LMO3: variants seen among roughly 807,000 people sequenced by gnomAD.
LMO3 encodes LIM domain only 3.
LMO3 carries 2 observed loss-of-function variants against 15.8 expected under a neutral mutation model. That is an observed-to-expected ratio of 0.13 (90% CI 0.05 to 0.40). LMO3 has a LOEUF of 0.40. Ranked by LOEUF, LMO3 falls within the 10% of genes least tolerant of loss-of-function variation. The pLI is 0.99. For synonymous variants in LMO3, 62 were observed against 63.8 expected (o/e 0.97, Z 0.13); for missense variants, 86 against 182.2 (o/e 0.47, Z 3.04).
chr12:16,592,098 T>C (rs1220839749), intron 2 of LMO3, among the ~76,000 whole-genome samples: 1 of 152,100 alleles, frequency 6.6e-6, no homozygotes, highest in Non-Finnish European at 1.5e-5. Flanking sequence ...AAAGTATGTA[T>C]AACTTTGTAC....
At chr12:16,578,402 G>A (rs1823548831) in intron 2 of LMO3, among the ~76,000 whole-genome samples, 2 of 152,180 alleles carry the variant, frequency 1.3e-5, no homozygotes, top group African/African-American at 2.4e-5. Context: ...GAGGGGTCAG[G>A]TAGAAGGGAT....
intron 3 of LMO3, among the ~76,000 whole-genome samples, chr12:16,558,489 T>C (rs1171104498): frequency 6.6e-6 from 1 of 152,106 alleles, no homozygotes; most frequent in Non-Finnish European, 1.5e-5. Context: ...AAAATACATA[T>C]ATACATGCAC....
chr12:16,584,793 C>T lies in LMO3; in HGVS notation c.206+15862G>A, dbSNP rs1324879212. The stretch of plus-strand genomic sequence containing the variant: ...CCAAGACTCCTTGTTAGGCTGAAAG[C>T]TCCCAGGAGATTTCTGAAGCAGGAG... On this transcript the variant is annotated intron_variant, in intron 2 of 3. Coordinates refer to ENST00000537304, the MANE Select transcript of LMO3 (RefSeq NM_018640.5). This position sits in a 1 kb window ranked among gnomAD's most constrained non-coding sequence, Gnocchi z 5.2. Among the ~76,000 whole-genome samples the T allele has an allele frequency of 1.3e-5, 2 of 152,304 alleles. No individual in the cohort carries two copies. The highest frequency in any genetic ancestry group is 6.5e-5 in the Admixed American group (1 of 15,294).
chr12:16,593,937 A>G lies in LMO3; in HGVS notation c.206+6718T>C, dbSNP rs1234714915. Among the ~76,000 whole-genome samples the G allele has an allele frequency of 6.6e-6, 1 of 151,786 alleles. No homozygotes were observed. The highest frequency in any genetic ancestry group is 1.5e-5 in the Non-Finnish European group (1 of 67,746). Reference sequence around the variant, plus strand: ...AACAGAACTAGAACAGGCAGTATCAAACTCCCTCGGAGCTAAGAAAAACAG... The same window carrying G: ...AACAGAACTAGAACAGGCAGTATCAGACTCCCTCGGAGCTAAGAAAAACAG... On this transcript the variant is annotated intron_variant, in intron 2 of 3. Coordinates refer to ENST00000537304, the MANE Select transcript of LMO3 (RefSeq NM_018640.5). The surrounding 1 kb of genome is among the most constrained non-coding windows in gnomAD (Gnocchi z 4.2).
At chr12:16,594,910 G>A (rs922915254) in intron 2 of LMO3, among the ~76,000 whole-genome samples, 8 of 151,548 alleles carry the variant, frequency 5.3e-5, no homozygotes, top group Admixed American at 1.3e-4. Flanking sequence ...GTTTATAAAT[G>A]AAGTGCTGGC....
Position 16,586,436 on chromosome 12 carries a change from C to G in LMO3, c.206+14219G>C, listed in dbSNP as rs1299925185. On this transcript the variant is annotated intron_variant, in intron 2 of 3. Coordinates refer to ENST00000537304, the MANE Select transcript of LMO3 (RefSeq NM_018640.5). The surrounding 1 kb of genome is among the most constrained non-coding windows in gnomAD (Gnocchi z 4.3). ...AAGGCTTTCTGGTTCTCCTCCAACA[C>G]ACAGCTGAGTCACAGAGGCCCTGGA... is the stretch of plus-strand genomic sequence containing the variant. Among the ~76,000 whole-genome samples, 1 of 152,190 alleles carries G rather than the reference C, an allele frequency of 6.6e-6. No individual in the cohort carries two copies. The highest frequency in any genetic ancestry group is 1.5e-5 in the Non-Finnish European group (1 of 68,038).
chr12:16,603,612 A>C lies in LMO3; in HGVS notation c.-9+2454T>G, dbSNP rs565262964. 6.6e-6 allele frequency among the ~76,000 whole-genome samples: 1 copy of C among 152,046 alleles called. No homozygotes were observed. Among genetic ancestry groups the C allele is most frequent in the Non-Finnish European group, 1.5e-5 (1 of 67,998 alleles). ...TGACAGTTTAAGGGAAATCATAATT[A>C]AAAAAAAGACATAAATAATAGCCTG... On this transcript the variant is annotated intron_variant, in intron 1 of 3. Transcript: ENST00000537304. This position sits in a 1 kb window ranked among gnomAD's most constrained non-coding sequence, Gnocchi z 4.9.
rs1196866734 is a variant in LMO3 at position 16,599,071 on chromosome 12, GCAAATA to G, written c.206+1578_206+1583del. 1 of 154,196 alleles carries G rather than the reference GCAAATA, an allele frequency of 6.5e-6. No individual in the cohort carries two copies. Among genetic ancestry groups the G allele is most frequent in the Non-Finnish European group, 1.5e-5 (1 of 68,750 alleles). The allele number at this position is 154,196 out of a possible 1,614,324, so 9.6% of individuals were successfully genotyped here. A position where few individuals can be genotyped will look rare whatever the true frequency, so the allele number is the denominator to read the frequency against. On this transcript the variant is annotated intron_variant, in intron 2 of 3. Coordinates refer to ENST00000537304, the MANE Select transcript of LMO3 (RefSeq NM_018640.5). This position sits in a 1 kb window ranked among gnomAD's most constrained non-coding sequence, Gnocchi z 4.1. ...AAAAAGCAGTATTAAATCACTAAAA[GCAAATA>G]CAAATGCTTTATGTGGAAATGAGGC... is the stretch of plus-strand genomic sequence containing the variant.
At chr12:16,563,535 CTCT>C (rs1413992097) in intron 2 of LMO3, among the ~76,000 whole-genome samples, 1 of 151,986 alleles carries the variant, frequency 6.6e-6, no homozygotes, top group East Asian at 1.9e-4. Flanking sequence ...TAAAAACAGT[CTCT>C]TAACTATCTA....
intron 1 of LMO3, chr12:16,605,445 C>A (rs980591094): frequency 4.7e-5 from 37 of 788,486 alleles, no homozygotes; most frequent in South Asian, 5.9e-5. Flanking sequence ...TGCCCCCCCC[C>A]CCCGCCCCCA....
chr12:16,576,562 C>T lies in LMO3; in HGVS notation c.207-16024G>A, dbSNP rs370057610. On this transcript the variant is annotated intron_variant, in intron 2 of 3. Coordinates refer to ENST00000537304, the MANE Select transcript of LMO3 (RefSeq NM_018640.5). The surrounding 1 kb of genome is among the most constrained non-coding windows in gnomAD (Gnocchi z 4.1). ...CACTTGTTTTCATATACTACTTCAT[C>T]TTTCAGAATCTGTATCAGTTACGTA... Among the ~76,000 whole-genome samples the T allele has an allele frequency of 2.6e-5, 4 of 152,174 alleles. No individual in the cohort carries two copies. In the East Asian group the frequency reaches 5.8e-4, roughly 22 times the overall value.
intron 3 of LMO3, among the ~76,000 whole-genome samples, chr12:16,557,459 T>C (rs892461371): frequency 6.6e-6 from 1 of 151,780 alleles, no homozygotes; most frequent in Non-Finnish European, 1.5e-5. Context: ...AGGAGAATAA[T>C]TGGTATAACT....
Position 16,597,423 on chromosome 12 carries a change from AT to A in LMO3, c.206+3231del, listed in dbSNP as rs1176359690. Among the ~76,000 whole-genome samples the A allele has an allele frequency of 6.6e-6, 1 of 151,760 alleles. No individual in the cohort carries two copies. Among genetic ancestry groups the A allele is most frequent in the African/African-American group, 2.4e-5 (1 of 41,404 alleles). Reference sequence around the variant, plus strand: ...CAAAGAACTTATAAATCACATCATCATTATCACTACTCAAAGTAACACAAGT... The same window carrying A: ...CAAAGAACTTATAAATCACATCATCATATCACTACTCAAAGTAACACAAGT... On this transcript the variant is annotated intron_variant, in intron 2 of 3. Coordinates refer to ENST00000537304, the MANE Select transcript of LMO3 (RefSeq NM_018640.5). This position sits in a 1 kb window ranked among gnomAD's most constrained non-coding sequence, Gnocchi z 5.0.
intron 2 of LMO3, among the ~76,000 whole-genome samples, chr12:16,581,559 T>A (rs1943160232): frequency 6.6e-6 from 1 of 152,220 alleles, no homozygotes; most frequent in Non-Finnish European, 1.5e-5. Flanking sequence ...GAGTAAATCC[T>A]CAAGAAATAT....
chr12:16,579,858 C>G (rs1353479605), intron 2 of LMO3, among the ~76,000 whole-genome samples: 4 of 152,158 alleles, frequency 2.6e-5, no homozygotes, highest in Non-Finnish European at 4.4e-5. Flanking sequence ...TCAACCTGTA[C>G]TGATTTAGAT....
Position 16,548,462 on chromosome 12 carries a change from G to A in LMO3, c.*2760C>T, listed in dbSNP as rs1405732631. The A allele has an allele frequency of 6.6e-6, 1 of 152,176 alleles. No homozygotes were observed. Among genetic ancestry groups the A allele is most frequent in the African/African-American group, 2.4e-5 (1 of 41,446 alleles). 9.4% of individuals were successfully genotyped at this position (152,176 alleles called of 1,614,324 possible). A position where few individuals can be genotyped will look rare whatever the true frequency, so the allele number is the denominator to read the frequency against. On this transcript the variant is annotated 3_prime_UTR_variant, in exon 4 of 4. Transcript: ENST00000537304. The surrounding 1 kb of genome is among the most constrained non-coding windows in gnomAD (Gnocchi z 4.2). Reference sequence around the variant, plus strand: ...CAGATATTTATTAAGCAAGATGAAAGTGAAATTACAAACACAGGTCAACTT... The same window carrying A: ...CAGATATTTATTAAGCAAGATGAAAATGAAATTACAAACACAGGTCAACTT...
rs773917459 is a variant in LMO3, at chr12:16,551,232, TG to T, written c.427del (p.Gln143ArgfsTer11). On this transcript the variant is annotated frameshift_variant, in exon 4 of 4. Transcript: ENST00000537304. LOFTEE classifies it high-confidence loss of function. ...GGTGATGTTGATAGATCAGCGAACC[TG>T]GGGTGCATAACCTTCTTTCATTAAA... is the stretch of plus-strand genomic sequence containing the variant. Reference protein sequence around the residue: ...EGLMKEGYAPQVR With the variant: ...EGLMKEGYAPXVR 2 of 1,600,834 alleles carry T rather than the reference TG, an allele frequency of 1.2e-6. No homozygotes were observed. Among genetic ancestry groups the T allele is most frequent in the Non-Finnish European group, 1.7e-6 (2 of 1,168,068 alleles).
Position 16,599,340 on chromosome 12 carries a change from G to T in LMO3, c.206+1315C>A, listed in dbSNP as rs1943751936. ...ATAATTAGTCAGGAGGCTGTCAGAT[G>T]AGGCCGTCCTAAGAGCGAGAAGGAG... On this transcript the variant is annotated intron_variant, in intron 2 of 3. Coordinates refer to ENST00000537304, the MANE Select transcript of LMO3 (RefSeq NM_018640.5). The surrounding 1 kb of genome is among the most constrained non-coding windows in gnomAD (Gnocchi z 4.1). 1 of 152,194 alleles carries T rather than the reference G, an allele frequency of 6.6e-6. No homozygotes were observed. Among genetic ancestry groups the T allele is most frequent in the Non-Finnish European group, 1.5e-5 (1 of 68,048 alleles). The allele number at this position is 152,194 out of a possible 1,614,324, so 9.4% of individuals were successfully genotyped here. A position where few individuals can be genotyped will look rare whatever the true frequency, so the allele number is the denominator to read the frequency against.
At chr12:16,563,071 AG>A (rs1942458072) in intron 2 of LMO3, among the ~76,000 whole-genome samples, 1 of 152,174 alleles carries the variant, frequency 6.6e-6, no homozygotes, top group African/African-American at 2.4e-5. Flanking sequence ...GCCTCGCTGG[AG>A]GCTCCATCAG....
Sources: gnomAD v4.1 joint callset for allele counts (sites outside exome capture counted in the v4.1 genomes callset) on GRCh38, gnomAD v4.1.1 for gene constraint, Gnocchi (gnomAD v3.1) non-coding constraint, MANE v1.5 for transcripts, NCBI Gene and HGNC (gene_info 2026-07-23, HGNC 2026-07-21) for gene names.